NTM: variants seen among roughly 807,000 people sequenced by gnomAD.
NTM encodes the protein IgLON family member 2.
Under a neutral mutation model 42.1 loss-of-function variants are expected in NTM, and 13 were observed. That is an observed-to-expected ratio of 0.31 (90% CI 0.20 to 0.49). The LOEUF is 0.49. Among genes scored for constraint, NTM ranks in the 20% least tolerant of loss-of-function variants. NTM has a pLI of 0.99. For synonymous variants in NTM, 187 were observed against 179.2 expected, an observed-to-expected ratio of 1.04 and a Z score of -0.35; for missense variants, 373 against 452.8, an observed-to-expected ratio of 0.82 and a Z score of 1.60.
intron 2 of NTM, among the ~76,000 whole-genome samples, chr11:132,020,439 TTAAATAAA>T (rs141223782): frequency 6.6e-6 from 1 of 151,784 alleles, no homozygotes; most frequent in Non-Finnish European, 1.5e-5. Context: ...TTATTTTGTA[TTAAATAAA>T]TATAGATAAA....
chr11:131,985,983 T>C (rs1057503105), intron 2 of NTM, among the ~76,000 whole-genome samples: 1 of 152,166 alleles, frequency 6.6e-6, no homozygotes, highest in African/African-American at 2.4e-5. Flanking sequence ...AATAAGCACT[T>C]AATAAACACA....
At chr11:131,763,607 C>T (rs11607018) in intron 1 of NTM, among the ~76,000 whole-genome samples, 1 of 149,986 alleles carries the variant, frequency 6.7e-6, no homozygotes, top group African/African-American at 2.4e-5. Context: ...ATGTCTGAAT[C>T]TAGAATGGGA....
chr11:132,277,422 T>TA (rs1004557351), intron 4 of NTM, among the ~76,000 whole-genome samples: 1 of 152,172 alleles, frequency 6.6e-6, no homozygotes, highest in Non-Finnish European at 1.5e-5. Context: ...TTGATGAGGA[T>TA]AAAAAGAGAT....
chr11:131,416,336 C>T (rs1946947096), intron 1 of NTM, among the ~76,000 whole-genome samples: 2 of 152,104 alleles, frequency 1.3e-5, no homozygotes. Context: ...ATGAACTTAA[C>T]CTTCAAACTC....
chr11:132,117,849 A>G (rs1156349563), intron 2 of NTM, among the ~76,000 whole-genome samples: 2 of 152,170 alleles, frequency 1.3e-5, no homozygotes, highest in East Asian at 3.8e-4. Context: ...AATAAAAAGT[A>G]CCCCAGACAC....
chr11:131,519,422 T>G (rs1291970627), intron 1 of NTM, among the ~76,000 whole-genome samples: 4 of 150,550 alleles, frequency 2.7e-5, no homozygotes, highest in Non-Finnish European at 5.9e-5. Context: ...CAACTCTTCT[T>G]TACTTTCAGA....
intron 1 of NTM, among the ~76,000 whole-genome samples, chr11:131,584,208 C>T (rs906656823): frequency 1.3e-5 from 2 of 152,206 alleles, no homozygotes; most frequent in Admixed American, 1.3e-4. Context: ...TAAGGACTTA[C>T]GACGTCCCCA....
chr11:131,418,697 G>C (rs1290670182), intron 1 of NTM, among the ~76,000 whole-genome samples: 1 of 152,154 alleles, frequency 6.6e-6, no homozygotes, highest in Non-Finnish European at 1.5e-5. Flanking sequence ...ACCCTGGTAG[G>C]AGTCACTGGA....
chr11:131,700,789 A>G (rs2075995444), intron 1 of NTM, among the ~76,000 whole-genome samples: 2 of 152,228 alleles, frequency 1.3e-5, no homozygotes, highest in South Asian at 2.1e-4. Flanking sequence ...GTGCTCAAAC[A>G]TGAAACCTAG....
At chr11:131,374,692 G>T (rs1316710151) in intron 1 of NTM, among the ~76,000 whole-genome samples, 6 of 152,136 alleles carry the variant, frequency 3.9e-5, no homozygotes, top group African/African-American at 1.4e-4. Context: ...GCTGATAGTG[G>T]CTCCTTTTCT....
intron 2 of NTM, among the ~76,000 whole-genome samples, chr11:132,144,070 A>G (rs2069781660): frequency 6.6e-6 from 1 of 152,170 alleles, no homozygotes; most frequent in Non-Finnish European, 1.5e-5. Flanking sequence ...AGGAGACCTG[A>G]GTTTCTGCAT....
At position 132,276,888 on chromosome 11, in the gene NTM, A is replaced by G. The variant is rs78690653; in HGVS notation, c.527-30801A>G. Among the ~76,000 whole-genome samples the G allele has an allele frequency of 4.1e-3, 624 of 152,312 alleles. 7 individuals are homozygous for G. The highest frequency in any genetic ancestry group is 0.014 in the African/African-American group (574 of 41,576). ...AGAGTACAACTTTATGCTGAGTCCT[A>G]TGACTATCCGAGGTGTAGGGGTGGT... is the stretch of plus-strand genomic sequence containing the variant. On this transcript the variant is annotated intron_variant, in intron 4 of 8. Coordinates refer to ENST00000683400, the MANE Select transcript of NTM (RefSeq NM_001352005.2).
chr11:132,302,093 T>C (rs1197764841), intron 4 of NTM, among the ~76,000 whole-genome samples: 7 of 152,230 alleles, frequency 4.6e-5, no homozygotes, highest in Non-Finnish European at 1.5e-5. Flanking sequence ...TTGTAAATGC[T>C]AAGCTCAGCA....
chr11:131,877,646 T>C (rs1592474833), intron 1 of NTM: 1 of 152,232 alleles, frequency 6.6e-6, no homozygotes, highest in South Asian at 2.1e-4. Context: ...TAAACACTTA[T>C]GGAATAAATG....
intron 1 of NTM, among the ~76,000 whole-genome samples, chr11:131,726,788 A>G (rs929041354): frequency 6.6e-6 from 1 of 151,090 alleles, no homozygotes; most frequent in Non-Finnish European, 1.5e-5. Flanking sequence ...ATCACAGCTC[A>G]TTGCAGCCTA....
chr11:131,446,267 G>A (rs548931753), intron 1 of NTM, among the ~76,000 whole-genome samples: 13 of 152,044 alleles, frequency 8.6e-5, no homozygotes, highest in Admixed American at 1.3e-4. Flanking sequence ...TCCTATTACC[G>A]TCCCTAGGAG....
At chr11:131,527,846 G>A (rs919162577) in intron 1 of NTM, among the ~76,000 whole-genome samples, 3 of 151,762 alleles carry the variant, frequency 2.0e-5, no homozygotes, top group African/African-American at 7.3e-5. Flanking sequence ...TGACTCTTTG[G>A]TAGATTTGGA....
intron 4 of NTM, among the ~76,000 whole-genome samples, chr11:132,293,922 T>C (rs1284073277): frequency 6.6e-6 from 1 of 152,190 alleles, no homozygotes; most frequent in Non-Finnish European, 1.5e-5. Context: ...ATTATACTAG[T>C]TGGTCTTTTA....
intron 3 of NTM, among the ~76,000 whole-genome samples, chr11:132,187,221 G>A (rs909602790): frequency 8.5e-5 from 4 of 47,060 alleles, no homozygotes; most frequent in African/African-American, 2.0e-4. Flanking sequence ...TGGCGTGTGT[G>A]TGTGTGTGTG....
Sources: gnomAD v4.1 joint callset for allele counts (sites outside exome capture counted in the v4.1 genomes callset) on GRCh38, gnomAD v4.1.1 for gene constraint, MANE v1.5 for transcripts, NCBI Gene and HGNC (gene_info 2026-07-23, HGNC 2026-07-21) for gene names.